Variants in HNRNPH1 observed in about 807,000 individuals in gnomAD.
The protein encoded by HNRNPH1 is heterogeneous nuclear ribonucleoprotein H1.
A neutral mutation model predicts 58.6 loss-of-function variants in HNRNPH1; 4 were observed. That is an observed-to-expected ratio of 0.07 (90% CI 0.03 to 0.16). HNRNPH1 has a LOEUF of 0.16. Among genes scored for constraint, HNRNPH1 ranks in the 10% least tolerant of loss-of-function variants. The probability of loss-of-function intolerance (pLI) is 1.00; values close to 1 mark genes in which losing one functional copy is unlikely to be tolerated. For missense variants in HNRNPH1, 271 were observed against 564.2 expected (o/e 0.48, Z 5.26); for synonymous variants, 192 against 189.2 (o/e 1.01, Z -0.12).
intron 2 of HNRNPH1, among the ~76,000 whole-genome samples, chr5:179,632,071 C>A (rs937604826): frequency 6.6e-6 from 1 of 151,734 alleles, no homozygotes; most frequent in African/African-American, 2.4e-5. Flanking sequence ...CTTTGGGAGG[C>A]CGAGGCGGGC....
At chr5:179,615,570 A>C in exon 12 of HNRNPH1, 1 of 1,568,428 alleles carries the variant, frequency 6.4e-7, no homozygotes, top group Non-Finnish European at 8.8e-7. Context: ...ATTGAAAATC[A>C]CTGGAGTTTT....
At chr5:179,616,240 A>G (rs745711080) in intron 10 of HNRNPH1, 22 bp from the exon 12 acceptor site, 2 of 1,593,670 alleles carry the variant, frequency 1.3e-6, no homozygotes, top group Non-Finnish European at 1.7e-6. Context: ...AGAAAACATT[A>G]GAACCTTTTT....
chr5:179,619,451 A>C, intron 3 of HNRNPH1, 44 bp from the exon 5 acceptor site: 1 of 1,559,350 alleles, frequency 6.4e-7, no homozygotes, highest in Non-Finnish European at 8.8e-7. Context: ...GGCAATATTA[A>C]CATCACAAGC....
At chr5:179,615,989 G>C in intron 11 of HNRNPH1, 137 bp downstream of exon 12, 4 of 702,454 alleles carry the variant, frequency 5.7e-6, no homozygotes, top group Non-Finnish European at 1.0e-5. Flanking sequence ...AAAGGAGCCT[G>C]CATCTTCCCA....
chr5:179,616,007 G>T (rs984976128), intron 11 of HNRNPH1, 119 bp downstream of exon 12: 3 of 821,064 alleles, frequency 3.7e-6, no homozygotes, highest in African/African-American at 3.4e-5. Flanking sequence ...CCAACTAAAG[G>T]CACCTGCCTG....
upstream of HNRNPH1, among the ~76,000 whole-genome samples, chr5:179,625,967 T>TTTATTTA (rs1562362136): frequency 4.5e-5 from 5 of 111,154 alleles, no homozygotes; most frequent in Non-Finnish European, 1.0e-4. Flanking sequence ...TTATTTATTT[T>TTTATTTA]TTGTAGCAAT....
At chr5:179,630,646 T>C (rs1360006661) in intron 2 of HNRNPH1, among the ~76,000 whole-genome samples, 1 of 152,000 alleles carries the variant, frequency 6.6e-6, no homozygotes, top group Non-Finnish European at 1.5e-5. Flanking sequence ...ACGCGGGGGC[T>C]CACGCCTGTA....
chr5:179,633,932 T>TAAAATA (rs1775053969), intron 2 of HNRNPH1: 1 of 151,844 alleles, frequency 6.6e-6, no homozygotes, highest in Non-Finnish European at 1.5e-5. Context: ...ATAAATAAAA[T>TAAAATA]AAAATAAAAT....
chr5:179,616,370 C>G, intron 10 of HNRNPH1, 152 bp from the exon 12 acceptor site: 1 of 658,748 alleles, frequency 1.5e-6, no homozygotes, highest in Non-Finnish European at 2.7e-6. Flanking sequence ...TATAACCAGG[C>G]CACCCTTCTA....
chr5:179,615,496 C>T, intron 12 of HNRNPH1, 50 bp downstream of exon 13: 1 of 988,458 alleles, frequency 1.0e-6, no homozygotes, highest in South Asian at 1.4e-5. Context: ...ATTATTACAA[C>T]ATATCAGTAT....
intron 11 of HNRNPH1, 147 bp downstream of exon 12, chr5:179,615,979 A>C (rs1283542777): frequency 3.0e-6 from 2 of 660,084 alleles, no homozygotes; most frequent in Non-Finnish European, 5.4e-6. Flanking sequence ...AATTTCACCG[A>C]AAGGAGCCTG....
Position 179,616,809 on chromosome 5 carries a change from TTATAATTGACTTATACAGA to T in HNRNPH1, c.1207+41_1207+59del. The T allele has an allele frequency of 3.0e-6, 4 of 1,346,086 alleles. No individual in the cohort carries two copies. The South Asian group carries it at 5.0e-5, about 17-fold the overall frequency. 83.4% of individuals were successfully genotyped at this position (1,346,086 alleles called of 1,614,324 possible). On this transcript the variant is annotated intron_variant, in intron 10 of 12. Transcript: ENST00000356731. ...TATTAAATAAATAGATTAACTTAAC[TTATAATTGACTTATACAGA>T]TATAAACGTTTTGGTTTTTAAAAAA... is the stretch of plus-strand genomic sequence containing the variant.
At chr5:179,633,383 C>T (rs986321403) in intron 2 of HNRNPH1, among the ~76,000 whole-genome samples, 2 of 151,580 alleles carry the variant, frequency 1.3e-5, no homozygotes, top group East Asian at 3.9e-4. Flanking sequence ...GCAAGCTCCG[C>T]CTCCCGGGTT....
At chr5:179,628,810 C>G (rs1236184427), upstream of HNRNPH1, among the ~76,000 whole-genome samples, 1 of 151,678 alleles carries the variant, frequency 6.6e-6, no homozygotes, top group Non-Finnish European at 1.5e-5. Context: ...TGGCAAAGAT[C>G]AAGTGTAGGA....
rs184012768 is a variant in HNRNPH1 at position 179,617,177 on chromosome 5, A to G, written c.1058-67T>C. On this transcript the variant is annotated intron_variant, in intron 8 of 12. Coordinates refer to ENST00000356731, the Ensembl canonical transcript of HNRNPH1. The stretch of plus-strand genomic sequence containing the variant: ...AACAAAACAGAATAAGCACTTTTAT[A>G]AAGTTTTTAAACAAGCAGATCTGTG... 9.3e-5 allele frequency: 138 copies of G among 1,479,528 alleles called. 1 individual carries two copies. Among genetic ancestry groups the G allele is most frequent in the Non-Finnish European group, 6.5e-5 (69 of 1,066,172 alleles). 91.7% of individuals were successfully genotyped at this position (1,479,528 alleles called of 1,614,324 possible).
At chr5:179,622,308 A>T (rs1772831819) in intron 1 of HNRNPH1, among the ~76,000 whole-genome samples, 1 of 152,224 alleles carries the variant, frequency 6.6e-6, no homozygotes, top group African/African-American at 2.4e-5. Flanking sequence ...TGGAAACAAG[A>T]GGTTACACTT....
At chr5:179,626,925 C>T (rs1416848034), upstream of HNRNPH1, among the ~76,000 whole-genome samples, 1 of 151,762 alleles carries the variant, frequency 6.6e-6, no homozygotes, top group East Asian at 2.0e-4. Flanking sequence ...GGACGACAGG[C>T]GCCCGCCACC....
chr5:179,623,256 G>A lies in HNRNPH1; in HGVS notation c.-123C>T, dbSNP rs1287789917. On this transcript the variant is annotated 5_prime_UTR_variant, in exon 1 of 13. Transcript: ENST00000356731. ...CGGGCCCGCACCGCCCCCCCACGGA[G>A]CAAAAACCGGGCGGATGCACCCACC... 1.0e-5 allele frequency: 6 copies of A among 592,874 alleles called. No individual in the cohort carries two copies. In the African/African-American group the frequency reaches 1.2e-4, roughly 12 times the overall value. The allele number at this position is 592,874 out of a possible 1,614,324, so 36.7% of individuals were successfully genotyped here.
chr5:179,623,387 TAGAGG>T (rs1773706118), exon 1 of HNRNPH1: 1 of 294,686 alleles, frequency 3.4e-6, no homozygotes, highest in Non-Finnish European at 6.6e-6. Context: ...AGAGCCAGCG[TAGAGG>T]AAAGGAAATG....
Sources: gnomAD v4.1 joint callset for allele counts (sites outside exome capture counted in the v4.1 genomes callset) on GRCh38, gnomAD v4.1.1 for gene constraint, MANE v1.5 for transcripts, NCBI Gene and HGNC (gene_info 2026-07-23, HGNC 2026-07-21) for gene names.